DLG2: variants seen among roughly 807,000 people sequenced by gnomAD.
DLG2 encodes the protein disks large homolog 2.
In DLG2, 45 loss-of-function variants were observed where a neutral mutation model predicts 132.5. The ratio of observed to expected loss-of-function variants is 0.34; its 90% CI spans 0.27 to 0.44. DLG2 has a LOEUF of 0.44. Among genes scored for constraint, DLG2 ranks in the 20% least tolerant of loss-of-function variants. DLG2 has a pLI of 1.00. For synonymous variants in DLG2, 424 were observed against 419.6 expected, an observed-to-expected ratio of 1.01 and a Z score of -0.13; for missense variants, 1,045 against 1,196.9, an observed-to-expected ratio of 0.87 and a Z score of 1.87.
chr11:84,332,216 T>TC (rs1025713477), intron 7 of DLG2, among the ~76,000 whole-genome samples: 1 of 150,834 alleles, frequency 6.6e-6, no homozygotes, highest in African/African-American at 2.4e-5. Context: ...TTTTTTTTTT[T>TC]TTTTTCTTTT....
intron 7 of DLG2, among the ~76,000 whole-genome samples, chr11:84,338,885 G>A (rs181571006): frequency 2.3e-4 from 35 of 152,138 alleles, no homozygotes; most frequent in African/African-American, 7.7e-4. Context: ...AATAATACAT[G>A]ATAATCCTTA....
chr11:84,752,733 T>A (rs1406288935), intron 6 of DLG2, among the ~76,000 whole-genome samples: 2 of 93,164 alleles, frequency 2.1e-5, no homozygotes, highest in Admixed American at 1.6e-4. Flanking sequence ...CCCACCCCAC[T>A]ACAGTCCCCA....
At chr11:85,623,313 T>G (rs2081850976) in intron 2 of DLG2, among the ~76,000 whole-genome samples, 1 of 151,976 alleles carries the variant, frequency 6.6e-6, no homozygotes, top group Non-Finnish European at 1.5e-5. Context: ...TAGGACAATT[T>G]TTTTTTTTTT....
chr11:84,007,748 G>C (rs1441986957), intron 11 of DLG2, among the ~76,000 whole-genome samples: 1 of 151,606 alleles, frequency 6.6e-6, no homozygotes, highest in African/African-American at 2.4e-5. Flanking sequence ...ATAATCCCTG[G>C]TTCTACCATT....
intron 4 of DLG2, among the ~76,000 whole-genome samples, chr11:85,220,183 A>G (rs2074540454): frequency 6.6e-6 from 1 of 152,098 alleles, no homozygotes; most frequent in Non-Finnish European, 1.5e-5. Context: ...ACATGATATC[A>G]AATTTTGGTA....
chr11:85,025,479 AT>A (rs1256033247), intron 6 of DLG2, among the ~76,000 whole-genome samples: 2 of 152,230 alleles, frequency 1.3e-5, no homozygotes, highest in Non-Finnish European at 2.9e-5. Context: ...AATTTGGGAA[AT>A]TTAGTTCTTC....
Position 84,067,290 on chromosome 11 carries a change from C to T in DLG2, c.750-7806G>A, listed in dbSNP as rs1009865579. Among the ~76,000 whole-genome samples, 44 of 151,748 alleles carry T rather than the reference C, an allele frequency of 2.9e-4. 1 individual carries two copies. Among genetic ancestry groups the T allele is most frequent in the East Asian group, 3.9e-4 (2 of 5,130 alleles). On this transcript the variant is annotated intron_variant, in intron 10 of 27. Coordinates refer to ENST00000376104, the MANE Select transcript of DLG2 (RefSeq NM_001142699.3). ...CGGGGGTTGCTGTGAGCCAAGACCG[C>T]GCCACTGCACTCCATCCTGGGTAAC...
At chr11:84,183,159 A>T (rs563820074) in intron 8 of DLG2, among the ~76,000 whole-genome samples, 28 of 152,322 alleles carry the variant, frequency 1.8e-4, no homozygotes, top group Admixed American at 4.6e-4. Flanking sequence ...CCTAACAATC[A>T]TTTCATGAAT....
intron 7 of DLG2, among the ~76,000 whole-genome samples, chr11:84,358,426 A>G (rs942668706): frequency 6.6e-6 from 1 of 150,676 alleles, no homozygotes; most frequent in African/African-American, 2.5e-5. Context: ...TTGGTATATG[A>G]AACCGATTTC....
At chr11:84,397,997 T>G (rs187865274) in intron 7 of DLG2, among the ~76,000 whole-genome samples, 241 of 152,348 alleles carry the variant, frequency 1.6e-3, no homozygotes, top group African/African-American at 5.5e-3. Context: ...TCTTTCTTCA[T>G]AATGCTTTAT....
intron 21 of DLG2, among the ~76,000 whole-genome samples, chr11:83,518,111 C>T (rs1408458202): frequency 2.0e-5 from 3 of 152,194 alleles, no homozygotes; most frequent in Non-Finnish European, 4.4e-5. Context: ...TATGCCCTGC[C>T]CCCAGAGGTG....
intron 21 of DLG2, among the ~76,000 whole-genome samples, chr11:83,514,222 T>C (rs1409900362): frequency 2.0e-5 from 3 of 152,238 alleles, no homozygotes; most frequent in Non-Finnish European, 4.4e-5. Flanking sequence ...TGGTTTGTAG[T>C]TCTCCTTGAA....
chr11:84,630,816 G>A (rs1250686656), intron 6 of DLG2, among the ~76,000 whole-genome samples: 1 of 152,046 alleles, frequency 6.6e-6, no homozygotes, highest in Non-Finnish European at 1.5e-5. Context: ...AACTCTAGCA[G>A]TCAGCCTCAC....
At chr11:84,731,488 G>T (rs1471348516) in intron 6 of DLG2, among the ~76,000 whole-genome samples, 1 of 151,934 alleles carries the variant, frequency 6.6e-6, no homozygotes, top group Non-Finnish European at 1.5e-5. Flanking sequence ...AGAGTGATAA[G>T]TGAGTTGAGA....
intron 6 of DLG2, among the ~76,000 whole-genome samples, chr11:84,823,354 A>T (rs1054910164): frequency 6.6e-6 from 1 of 151,782 alleles, no homozygotes; most frequent in Non-Finnish European, 1.5e-5. Context: ...TTTGTCTCTT[A>T]CTGTGTTCAT....
intron 6 of DLG2, among the ~76,000 whole-genome samples, chr11:84,599,794 G>T (rs1306546762): frequency 6.6e-6 from 1 of 152,070 alleles, no homozygotes; most frequent in Non-Finnish European, 1.5e-5. Flanking sequence ...CACTTTAGGA[G>T]GCAGAGGCAG....
intron 9 of DLG2, among the ~76,000 whole-genome samples, chr11:84,158,332 G>T (rs1363070686): frequency 6.6e-6 from 1 of 152,070 alleles, no homozygotes; most frequent in Non-Finnish European, 1.5e-5. Context: ...CAAAGGGCTG[G>T]GATTACAGGC....
rs1014322350 is a variant in DLG2 at position 84,229,174 on chromosome 11, T to C, written c.573+22064A>G. Among the ~76,000 whole-genome samples the C allele has an allele frequency of 2.8e-4, 42 of 152,130 alleles. 1 individual carries two copies. Among genetic ancestry groups the C allele is most frequent in the African/African-American group, 9.9e-4 (41 of 41,424 alleles). On this transcript the variant is annotated intron_variant, in intron 8 of 27. Transcript: ENST00000376104. ...TATTGTCTTTCAAATTATTTTTTAA[T>C]GGAAAAGTTATAAACCAGAAAAAGA...
intron 6 of DLG2, among the ~76,000 whole-genome samples, chr11:84,660,282 T>C (rs1156492869): frequency 6.6e-6 from 1 of 152,142 alleles, no homozygotes; most frequent in East Asian, 1.9e-4. Flanking sequence ...AGGTCAGACT[T>C]CTGTTAGGAT....
Sources: allele counts gnomAD v4.1 joint callset (sites outside exome capture counted in the v4.1 genomes callset), GRCh38; gene constraint gnomAD v4.1.1; transcripts MANE v1.5; gene names NCBI Gene and HGNC (gene_info 2026-07-23, HGNC 2026-07-21).